Variants in PMS2 observed in about 807,000 individuals in gnomAD.
PMS2 encodes the protein mismatch repair endonuclease PMS2.
Under a neutral mutation model 90.0 loss-of-function variants are expected in PMS2, and 69 were observed. The observed-to-expected ratio is 0.77, with a 90% CI of 0.63 to 0.94. The LOEUF (loss-of-function observed/expected upper bound fraction) is 0.94. Ranked by LOEUF, PMS2 falls within the 40% of genes least tolerant of loss-of-function variation. The pLI, the probability that PMS2 is intolerant of heterozygous loss-of-function variation, is 0.00. For synonymous variants in PMS2, 332 were observed against 375.1 expected (o/e 0.89, Z 1.33); for missense variants, 966 against 1,040.2 (o/e 0.93, Z 0.98).
Position 5,999,271 on chromosome 7 carries a change from T to C in PMS2, c.542A>G (p.Tyr181Cys), listed in dbSNP as rs863224681. 1 of 1,613,566 alleles carries C rather than the reference T, an allele frequency of 6.2e-7. No homozygotes were observed. The highest frequency in any genetic ancestry group is 8.5e-7 in the Non-Finnish European group (1 of 1,179,500). ...ATGTAAGACCTGGACCATTTTGGCATACTCCTGTTTAAAAAACACAAACAC... is the reference window on the plus strand; with the variant it reads ...ATGTAAGACCTGGACCATTTTGGCACACTCCTGTTTAAAAAACACAAACAC... ...KEFQRNIKKE[Y>C]AKMVQVLHAY... Residue 181 changes from tyrosine (Y) to cysteine (C), a missense_variant, in exon 6 of 15, where the codon TAT becomes TGT. Tyr to Cys is a radical substitution (Grantham distance 194). This residue lies in a region of PMS2 where 871 missense variants were observed against 802.4 expected (regional missense o/e 1.09). Coordinates refer to ENST00000265849, the MANE Select transcript of PMS2 (RefSeq NM_000535.7).
intron 5 of PMS2, among the ~76,000 whole-genome samples, chr7:6,001,568 A>C (rs1320553951): frequency 6.6e-6 from 1 of 152,028 alleles, no homozygotes; most frequent in Non-Finnish European, 1.5e-5. Context: ...ATGGGGTTTC[A>C]CCAGTTTGGC....
At chr7:5,995,128 C>T (rs1054460841) in intron 8 of PMS2, among the ~76,000 whole-genome samples, 2 of 152,128 alleles carry the variant, frequency 1.3e-5, no homozygotes, top group Non-Finnish European at 2.9e-5. Context: ...AGCTCCATCT[C>T]CCAGGTTCAA....
In PMS2 at chr7:5,995,588, A is replaced by G. The variant is rs1277038817; in HGVS notation, c.849T>C (p.Ser283=). 1.9e-6 allele frequency: 3 copies of G among 1,613,698 alleles called. No individual in the cohort carries two copies. The South Asian group carries it at 3.3e-5, about 18-fold the overall frequency. Residue 283 remains serine, a synonymous_variant, in exon 8 of 15, where the codon AGT becomes AGC. Transcript: ENST00000265849. ...ISQCTHGVGR[S]STDRQFFFIN... Reference sequence around the variant, plus strand: ...TAAAGAAAAACTGTCTGTCTGTTGAACTCCTTCCAACTCCATGCGTGCATT... The same window carrying G: ...TAAAGAAAAACTGTCTGTCTGTTGAGCTCCTTCCAACTCCATGCGTGCATT...
chr7:5,985,634 A>G (rs1405899996), intron 11 of PMS2, among the ~76,000 whole-genome samples: 2 of 146,686 alleles, frequency 1.4e-5, no homozygotes. Context: ...GCTCACCACA[A>G]CCTCCACCTC....
rs547556016 is a variant in PMS2, at chr7:6,005,297, C to T, written c.163+595G>A. ...TCGGCTTACTGCAACCTCCGTCTCTCGGCTTCAAGCAATTCTCGTGCCTCA... is the reference window on the plus strand; with the variant it reads ...TCGGCTTACTGCAACCTCCGTCTCTTGGCTTCAAGCAATTCTCGTGCCTCA... On this transcript the variant is annotated intron_variant, in intron 2 of 14. Coordinates refer to ENST00000265849, the MANE Select transcript of PMS2 (RefSeq NM_000535.7). Among the ~76,000 whole-genome samples, 8 of 152,278 alleles carry T rather than the reference C, an allele frequency of 5.3e-5. No individual in the cohort carries two copies. In the South Asian group the frequency reaches 1.4e-3, roughly 28 times the overall value.
intron 2 of PMS2, 138 bp from the exon 3 acceptor site, chr7:6,004,196 A>G: frequency 1.6e-6 from 1 of 626,066 alleles, no homozygotes; most frequent in Non-Finnish European, 2.9e-6. Context: ...GTCATTTTGT[A>G]TATTTCATTG....
intron 6 of PMS2, among the ~76,000 whole-genome samples, chr7:5,997,644 A>G (rs916418138): frequency 2.6e-5 from 4 of 152,068 alleles, no homozygotes; most frequent in African/African-American, 9.7e-5. Flanking sequence ...TCGTGGGTTC[A>G]AGCAATCCTC....
At chr7:5,983,237 T>C (rs1782501037) in intron 11 of PMS2, among the ~76,000 whole-genome samples, 1 of 150,968 alleles carries the variant, frequency 6.6e-6, no homozygotes, top group Non-Finnish European at 1.5e-5. Flanking sequence ...CTCAGCCTCC[T>C]GAGTAGCTGG....
rs766400994 is a variant in PMS2, at chr7:5,987,545, C to T, written c.1220G>A (p.Arg407Lys). The change falls in exon 11 of 15, where the codon AGG (arginine) becomes AAG (lysine). Residue 407 changes from arginine to lysine, a missense_variant. Arg to Lys is a conservative substitution (Grantham distance 26, BLOSUM62 2). Transcript: ENST00000265849. ...CACGTCTTTTTTTTCTTCTCCAGTC[C>T]TTAATGAAGGGGATTGATCCTGCTT... ...VEKQDQSPSLRTGEEKKDVSI... is the reference protein window; with the variant it reads ...VEKQDQSPSLKTGEEKKDVSI... The T allele has an allele frequency of 6.2e-7, 1 of 1,614,068 alleles. No individual in the cohort carries two copies. The highest frequency in any genetic ancestry group is 1.1e-5 in the South Asian group (1 of 91,086).
intron 2 of PMS2, among the ~76,000 whole-genome samples, 199 bp downstream of exon 2, chr7:6,005,693 C>T (rs1193131144): frequency 6.6e-6 from 1 of 152,114 alleles, no homozygotes; most frequent in African/African-American, 2.4e-5. Flanking sequence ...CCTGGCACAC[C>T]GTAAGAACAC....
chr7:6,001,345 C>T (rs981612871), intron 5 of PMS2, among the ~76,000 whole-genome samples: 2 of 150,798 alleles, frequency 1.3e-5, no homozygotes, highest in African/African-American at 4.9e-5. Context: ...TCTAATAGCT[C>T]ATTTCTCAGA....
chr7:5,988,589 T>G (rs1252036821), intron 10 of PMS2, among the ~76,000 whole-genome samples: 1 of 152,090 alleles, frequency 6.6e-6, no homozygotes, highest in African/African-American at 2.4e-5. Flanking sequence ...TGCCTATCTA[T>G]GCTCGTCAAA....
At chr7:6,003,581 C>T (rs1220033529) in intron 4 of PMS2, 109 bp downstream of exon 4, 4 of 697,788 alleles carry the variant, frequency 5.7e-6, no homozygotes, top group Non-Finnish European at 1.0e-5. Flanking sequence ...AATTCAGAAG[C>T]TAGAAGTTGA....
chr7:5,996,247 C>G (rs1181389943), intron 7 of PMS2, among the ~76,000 whole-genome samples: 3 of 151,988 alleles, frequency 2.0e-5, no homozygotes, highest in South Asian at 2.1e-4. Context: ...AACAAACAAA[C>G]AAACAAAAAG....
rs1291073507 is a variant in PMS2, at chr7:5,983,283, G to A, written c.2007-292C>T. ...GCGCCACCATGCCCAGCTAATTTTTGTATTTTTAGTAGAGACAGAGTTCCA... is the reference window on the plus strand; with the variant it reads ...GCGCCACCATGCCCAGCTAATTTTTATATTTTTAGTAGAGACAGAGTTCCA... On this transcript the variant is annotated intron_variant, in intron 11 of 14. Transcript: ENST00000265849. Among the ~76,000 whole-genome samples the A allele has an allele frequency of 4.6e-5, 7 of 151,166 alleles. No individual in the cohort carries two copies. In the East Asian group the frequency reaches 1.4e-3, roughly 29 times the overall value.
At chr7:5,993,778 G>A (rs376908363) in intron 8 of PMS2, among the ~76,000 whole-genome samples, 2 of 139,548 alleles carry the variant, frequency 1.4e-5, no homozygotes, top group African/African-American at 2.6e-5. Context: ...GGAGAATGGC[G>A]TGAACCTGGG....
chr7:5,997,388 AGGGGG>A lies in PMS2; in HGVS notation c.736_740del (p.Pro246Ter), dbSNP rs778352959. 5.8e-5 allele frequency: 93 copies of A among 1,598,010 alleles called. No homozygotes were observed. Among genetic ancestry groups the A allele is most frequent in the Non-Finnish European group, 7.7e-5 (90 of 1,167,430 alleles). On this transcript the variant is annotated frameshift_variant, in exon 7 of 15. Transcript: ENST00000265849. LOFTEE classifies it high-confidence loss of function. The stretch of plus-strand genomic sequence containing the variant: ...CGTACTCTTCACACACGGAGTCACT[AGGGGG>A]CAGCTGAACAAAAGGAATGAGGCTT...
rs573125799 is a variant in PMS2 at position 5,997,364 on chromosome 7, G to A, written c.765C>T (p.Tyr255=). 29 of 1,601,156 alleles carry A rather than the reference G, an allele frequency of 1.8e-5. No homozygotes were observed. Among genetic ancestry groups the A allele is most frequent in the Admixed American group, 8.4e-5 (5 of 59,584 alleles). Residue 255 remains tyrosine (Y), a synonymous_variant, in exon 7 of 15, where the codon TAC becomes TAT. Transcript: ENST00000265849. ...GCAGAGCATCGGAACAGCTCAAACC[G>A]TACTCTTCACACACGGAGTCACTAG... ...LPPSDSVCEE[Y]GLSCSDALHN...
intron 5 of PMS2, among the ~76,000 whole-genome samples, chr7:6,000,949 C>T (rs1327505584): frequency 1.3e-5 from 2 of 152,146 alleles, no homozygotes; most frequent in East Asian, 1.9e-4. Flanking sequence ...CGAGATCGCA[C>T]CACTGCACTC....
Sources: allele counts gnomAD v4.1 joint callset (sites outside exome capture counted in the v4.1 genomes callset), GRCh38; gene constraint gnomAD v4.1.1; regional missense constraint gnomAD v4.1.1; transcripts MANE v1.5; gene names NCBI Gene and HGNC (gene_info 2026-07-23, HGNC 2026-07-21).